Variants in PRKN observed in about 807,000 individuals in gnomAD.
PRKN encodes parkin RBR E3 ubiquitin protein ligase.
PRKN carries 56 observed loss-of-function variants against 59.5 expected under a neutral mutation model. That is an observed-to-expected ratio of 0.94 (90% confidence interval 0.76 to 1.18). The LOEUF is 1.18. Ranked by LOEUF, PRKN falls within the 50% of genes most tolerant of loss-of-function variation. The probability of loss-of-function intolerance (pLI) is 0.00; values close to 1 mark genes in which losing one functional copy is unlikely to be tolerated. For missense variants in PRKN, 657 were observed against 596.4 expected, an observed-to-expected ratio of 1.10 and a Z score of -1.06; for synonymous variants, 250 against 222.1, an observed-to-expected ratio of 1.13 and a Z score of -1.12.
chr6:162,391,619 G>T (rs115564195), intron 2 of PRKN, among the ~76,000 whole-genome samples: 4 of 152,074 alleles, frequency 2.6e-5, no homozygotes, highest in Non-Finnish European at 4.4e-5. Context: ...CTTCATCCTG[G>T]AAGATAATTT....
Position 161,592,639 on chromosome 6 carries a change from T to A in PRKN, c.872-23223A>T, listed in dbSNP as rs1409517564. Among the ~76,000 whole-genome samples the A allele has an allele frequency of 1.3e-5, 2 of 151,942 alleles. No homozygotes were observed. The highest frequency in any genetic ancestry group is 4.8e-5 in the African/African-American group (2 of 41,338). On this transcript the variant is annotated intron_variant, in intron 7 of 11. Transcript: ENST00000366898. The surrounding 1 kb of genome is among the most constrained non-coding windows in gnomAD (Gnocchi z 4.8). ...ACTAAAGAGAGAAAACCCTAAGGGC[T>A]ATGGAGAAAGATGAAGCAGGGAAAC... is the stretch of plus-strand genomic sequence containing the variant.
intron 6 of PRKN, among the ~76,000 whole-genome samples, chr6:161,944,809 C>G (rs1779720410): frequency 6.6e-6 from 1 of 152,106 alleles, no homozygotes; most frequent in African/African-American, 2.4e-5. Flanking sequence ...GAAAACAGCC[C>G]TTTTTCTCAG....
intron 6 of PRKN, among the ~76,000 whole-genome samples, chr6:161,850,700 G>C (rs1250215936): frequency 2.0e-5 from 3 of 151,928 alleles, no homozygotes; most frequent in Admixed American, 1.3e-4. Flanking sequence ...CAAAACTTGA[G>C]ACAATAAGGG....
intron 7 of PRKN, among the ~76,000 whole-genome samples, chr6:161,692,674 G>A (rs946230889): frequency 1.3e-5 from 2 of 152,218 alleles, no homozygotes; most frequent in South Asian, 2.1e-4. Context: ...GGAGGCTGAG[G>A]GGGGCGGATC....
At chr6:162,231,655 G>A (rs1043200410) in intron 3 of PRKN, among the ~76,000 whole-genome samples, 3 of 152,148 alleles carry the variant, frequency 2.0e-5, no homozygotes, top group African/African-American at 2.4e-5. Flanking sequence ...CACGGTCCTA[G>A]GAAAATCATA....
Position 161,499,265 on chromosome 6 carries a change from C to G in PRKN, c.1083+49589G>C, listed in dbSNP as rs1321204459. On this transcript the variant is annotated intron_variant, in intron 9 of 11. Coordinates refer to ENST00000366898, the MANE Select transcript of PRKN (RefSeq NM_004562.3). This position sits in a 1 kb window ranked among gnomAD's most constrained non-coding sequence, Gnocchi z 4.2. ...TGAAGAATGAGGACACCCTGGGCCTCCACTCCTTCCCTTCAGTTGCTATTT... is the reference window on the plus strand; with the variant it reads ...TGAAGAATGAGGACACCCTGGGCCTGCACTCCTTCCCTTCAGTTGCTATTT... Among the ~76,000 whole-genome samples, 1 of 152,104 alleles carries G rather than the reference C, an allele frequency of 6.6e-6. No homozygotes were observed. The highest frequency in any genetic ancestry group is 2.4e-5 in the African/African-American group (1 of 41,412).
At chr6:161,439,217 T>C (rs945034101) in intron 9 of PRKN, among the ~76,000 whole-genome samples, 1 of 152,146 alleles carries the variant, frequency 6.6e-6, no homozygotes, top group Non-Finnish European at 1.5e-5. Flanking sequence ...AGAAGAACAA[T>C]GACTCATTAG....
intron 4 of PRKN, among the ~76,000 whole-genome samples, chr6:162,122,636 T>C (rs1052781085): frequency 6.6e-6 from 1 of 152,164 alleles, no homozygotes; most frequent in African/African-American, 2.4e-5. Flanking sequence ...GCTGGGCTGA[T>C]GGACTGCTGA....
chr6:162,434,326 A>G (rs369285473), intron 2 of PRKN, among the ~76,000 whole-genome samples: 2 of 152,174 alleles, frequency 1.3e-5, no homozygotes, highest in East Asian at 1.9e-4. Context: ...CCTCCATTCA[A>G]ATGAGTCTGT....
chr6:161,835,926 T>C (rs947758570), intron 6 of PRKN, among the ~76,000 whole-genome samples: 3 of 152,242 alleles, frequency 2.0e-5, no homozygotes, highest in Non-Finnish European at 2.9e-5. Context: ...AGACGCATTT[T>C]CAGTTGTCTT....
Position 162,340,871 on chromosome 6 carries a change from T to C in PRKN, c.172-78106A>G, listed in dbSNP as rs138194738. 6.2e-3 allele frequency among the ~76,000 whole-genome samples: 940 copies of C among 152,228 alleles called. 5 individuals are homozygous for C. Among genetic ancestry groups the C allele is most frequent in the African/African-American group, 0.022 (899 of 41,544 alleles). On this transcript the variant is annotated intron_variant, in intron 2 of 11. Transcript: ENST00000366898. ...GACATAAGCATCGGCAAAGACGTCA[T>C]GACTAAAACACCAAAAGAAATGGCA...
intron 6 of PRKN, among the ~76,000 whole-genome samples, chr6:161,850,715 A>C (rs956596866): frequency 2.6e-5 from 4 of 152,190 alleles, no homozygotes; most frequent in Non-Finnish European, 5.9e-5. Flanking sequence ...TAAGGGACTC[A>C]GGAATGTGTT....
rs1389222691 is a variant in PRKN, at chr6:161,356,256, CAGGAGGG to C, written c.1285+3825_1285+3831del. The stretch of plus-strand genomic sequence containing the variant: ...GGATGGTGTTGACAGTGCCCCCCAA[CAGGAGGG>C]CAGGGGTCTTTGGCAGGGTGGTAAG... On this transcript the variant is annotated intron_variant, in intron 11 of 11. Coordinates refer to ENST00000366898, the MANE Select transcript of PRKN (RefSeq NM_004562.3). The surrounding 1 kb of genome is among the most constrained non-coding windows in gnomAD (Gnocchi z 7.8). Among the ~76,000 whole-genome samples, 5 of 152,282 alleles carry C rather than the reference CAGGAGGG, an allele frequency of 3.3e-5. No individual in the cohort carries two copies. Among genetic ancestry groups the C allele is most frequent in the Non-Finnish European group, 1.5e-5 (1 of 68,026 alleles).
At chr6:162,226,395 T>G (rs1236123609) in intron 3 of PRKN, among the ~76,000 whole-genome samples, 3 of 152,134 alleles carry the variant, frequency 2.0e-5, no homozygotes, top group Non-Finnish European at 4.4e-5. Flanking sequence ...ACAATGGCAC[T>G]GTAATGGGAA....
intron 6 of PRKN, among the ~76,000 whole-genome samples, chr6:161,841,432 C>T (rs1792982949): frequency 6.6e-6 from 1 of 151,610 alleles, no homozygotes; most frequent in Non-Finnish European, 1.5e-5. Context: ...TCACAGTAAA[C>T]TCCACTACCC....
intron 6 of PRKN, among the ~76,000 whole-genome samples, chr6:161,972,031 G>C (rs1462692640): frequency 6.6e-6 from 1 of 152,034 alleles, no homozygotes. Context: ...CCCAGCACTT[G>C]GTGGGGCTAA....
Position 161,349,360 on chromosome 6 carries a change from C to T in PRKN, c.*739G>A. ...CAAATCATGAAAGGGAATGAAAGTA[C>T]ATTAACTTGATTTCTTCCCTGTAAT... On this transcript the variant is annotated 3_prime_UTR_variant, in exon 12 of 12. Coordinates refer to ENST00000366898, the MANE Select transcript of PRKN (RefSeq NM_004562.3). This position sits in a 1 kb window ranked among gnomAD's most constrained non-coding sequence, Gnocchi z 5.5. The T allele has an allele frequency of 4.3e-6, 1 of 230,582 alleles. No homozygotes were observed. Among genetic ancestry groups the T allele is most frequent in the Non-Finnish European group, 8.6e-6 (1 of 116,522 alleles). 14.3% of individuals were successfully genotyped at this position (230,582 alleles called of 1,614,324 possible).
intron 1 of PRKN, among the ~76,000 whole-genome samples, chr6:162,460,984 C>T (rs1791125550): frequency 6.6e-6 from 1 of 152,086 alleles, no homozygotes; most frequent in Non-Finnish European, 1.5e-5. Context: ...AAGATTTAGA[C>T]CTAATTGCTG....
At position 162,565,366 on chromosome 6, in the gene PRKN, G is replaced by A. The variant is rs2128207196; in HGVS notation, c.8-121893C>T. 1.3e-5 allele frequency among the ~76,000 whole-genome samples: 2 copies of A among 152,236 alleles called. 1 individual carries two copies. The highest frequency in any genetic ancestry group is 4.1e-4 in the South Asian group (2 of 4,828). On this transcript the variant is annotated intron_variant, in intron 1 of 11. Transcript: ENST00000366898. ...ACAACGAGAAAACAAATAACAAAAT[G>A]GAGGAGTAAGTCCTTACTTATAAAT...
Sources: allele counts gnomAD v4.1 joint callset (sites outside exome capture counted in the v4.1 genomes callset), GRCh38; gene constraint gnomAD v4.1.1; non-coding constraint Gnocchi (gnomAD v3.1); transcripts MANE v1.5; gene names NCBI Gene and HGNC (gene_info 2026-07-23, HGNC 2026-07-21).